The following EAF2 variants were observed in gnomAD, a reference collection of about 807,000 sequenced individuals.
EAF2 encodes ELL-associated factor 2.
A neutral mutation model predicts 29.4 loss-of-function variants in EAF2; 29 were observed. That is an observed-to-expected ratio of 0.99 (90% CI 0.73 to 1.35). The LOEUF is 1.35. Ranked by LOEUF, EAF2 falls within the 40% of genes most tolerant of loss-of-function variation. The probability of loss-of-function intolerance (pLI) is 0.00; values close to 1 mark genes in which losing one functional copy is unlikely to be tolerated. For missense variants in EAF2, 292 were observed against 312.0 expected (o/e 0.94, Z 0.48); for synonymous variants, 103 against 102.5 (o/e 1.00, Z -0.03).
At chr3:121,849,523 C>G (rs958986316) in intron 2 of EAF2, among the ~76,000 whole-genome samples, 7 of 152,132 alleles carry the variant, frequency 4.6e-5, no homozygotes, top group African/African-American at 1.7e-4. Context: ...GACTCTTTAT[C>G]TTATGGGGTG....
intron 5 of EAF2, among the ~76,000 whole-genome samples, chr3:121,873,815 C>G (rs1237231939): frequency 7.2e-6 from 1 of 139,694 alleles, no homozygotes; most frequent in Non-Finnish European, 1.6e-5. Flanking sequence ...AATTTTTTCT[C>G]CTTTAGATTA....
At chr3:121,883,129 T>C (rs1709218802) in intron 5 of EAF2, among the ~76,000 whole-genome samples, 2 of 152,156 alleles carry the variant, frequency 1.3e-5, no homozygotes, top group Non-Finnish European at 1.5e-5. Context: ...TAACCATGTT[T>C]TTGCAGTTAC....
chr3:121,858,131 C>T (rs57473053), intron 4 of EAF2, among the ~76,000 whole-genome samples: 23,261 of 151,858 alleles, frequency 0.15, 2,019 homozygotes, highest in African/African-American at 0.25. Flanking sequence ...AATAAACATA[C>T]GTGTGCATGT....
At chr3:121,842,133 G>A (rs930305283) in intron 1 of EAF2, among the ~76,000 whole-genome samples, 2 of 152,122 alleles carry the variant, frequency 1.3e-5, no homozygotes, top group Non-Finnish European at 2.9e-5. Context: ...GCAGTGAGCC[G>A]AGATCTAGCC....
chr3:121,885,980 T>TA lies in EAF2; in HGVS notation c.737-352dup, dbSNP rs199731989. 1.1e-3 allele frequency among the ~76,000 whole-genome samples: 161 copies of TA among 149,584 alleles called. 1 individual carries two copies. Among genetic ancestry groups the TA allele is most frequent in the Middle Eastern group, 6.8e-3 (2 of 294 alleles). On this transcript the variant is annotated intron_variant, in intron 5 of 5. Transcript: ENST00000273668. ...TTAATGATTTTGACTCCATTTTAAG[T>TA]AAAAAAAAAATAACATTTTTTTCAC...
At chr3:121,839,590 G>A (rs947101638) in intron 1 of EAF2, among the ~76,000 whole-genome samples, 3 of 152,084 alleles carry the variant, frequency 2.0e-5, no homozygotes, top group South Asian at 4.1e-4. Flanking sequence ...GAAGTATACC[G>A]GTGAAAAGTA....
chr3:121,866,470 A>T lies in EAF2; in HGVS notation c.485-6067A>T, dbSNP rs542980995. Among the ~76,000 whole-genome samples the T allele has an allele frequency of 4.6e-5, 7 of 152,312 alleles. No homozygotes were observed. The South Asian group carries it at 1.5e-3, about 32-fold the overall frequency. The stretch of plus-strand genomic sequence containing the variant: ...GCTGGGTGCGGTGGCTCACATCTGT[A>T]ATCCCAGCACTTTGGGAGGCCAAGG... On this transcript the variant is annotated intron_variant, in intron 4 of 5. Coordinates refer to ENST00000273668, the MANE Select transcript of EAF2 (RefSeq NM_018456.6).
chr3:121,850,607 A>G lies in EAF2; in HGVS notation c.202-4080A>G, dbSNP rs372214370. On this transcript the variant is annotated intron_variant, in intron 2 of 5. Coordinates refer to ENST00000273668, the MANE Select transcript of EAF2 (RefSeq NM_018456.6). ...CAGCCAAGCACCTAAGTTTTTGCCA[A>G]GATATTGTGTTACATTATAGAATAT... is the stretch of plus-strand genomic sequence containing the variant. Among the ~76,000 whole-genome samples, 105 of 152,176 alleles carry G rather than the reference A, an allele frequency of 6.9e-4. 2 individuals are homozygous for G. The South Asian group carries it at 0.021, about 31-fold the overall frequency.
At chr3:121,860,398 G>A (rs1451333629) in intron 4 of EAF2, among the ~76,000 whole-genome samples, 1 of 152,104 alleles carries the variant, frequency 6.6e-6, no homozygotes, top group Non-Finnish European at 1.5e-5. Flanking sequence ...TTATTCTTGG[G>A]AGGGTGTATG....
chr3:121,871,625 A>G (rs369440799), intron 4 of EAF2, among the ~76,000 whole-genome samples: 8 of 152,178 alleles, frequency 5.3e-5, no homozygotes, highest in African/African-American at 1.9e-4. Flanking sequence ...CAGTGTGTCT[A>G]TAATAGGGAG....
At position 121,886,477 on chromosome 3, in the gene EAF2, T is replaced by G; in HGVS notation, c.*89T>G. On this transcript the variant is annotated 3_prime_UTR_variant, in exon 6 of 6. Coordinates refer to ENST00000273668, the MANE Select transcript of EAF2 (RefSeq NM_018456.6). ...AAAATTCCTAAGACTGAGGGAAATA[T>G]GTCTTAACTTTTGATGATAAAAGAA... 1 of 680,536 alleles carries G rather than the reference T, an allele frequency of 1.5e-6. No homozygotes were observed. The allele number at this position is 680,536 out of a possible 1,614,324, so 42.2% of individuals were successfully genotyped here.
intron 2 of EAF2, among the ~76,000 whole-genome samples, chr3:121,850,623 T>C (rs1286290791): frequency 2.0e-5 from 3 of 152,224 alleles, no homozygotes; most frequent in African/African-American, 7.2e-5. Flanking sequence ...TGTGTTACAT[T>C]ATAGAATATC....
intron 4 of EAF2, among the ~76,000 whole-genome samples, chr3:121,861,855 A>G (rs373742779): frequency 6.6e-6 from 1 of 152,080 alleles, no homozygotes; most frequent in Non-Finnish European, 1.5e-5. Context: ...AGCTCTTGTA[A>G]GGCAGGCCTG....
chr3:121,855,544 C>G (rs968374477), intron 3 of EAF2, among the ~76,000 whole-genome samples: 2 of 152,096 alleles, frequency 1.3e-5, no homozygotes, highest in African/African-American at 4.8e-5. Flanking sequence ...TCCTGGGAAA[C>G]TCTATTTTTT....
intron 4 of EAF2, among the ~76,000 whole-genome samples, chr3:121,865,767 C>T (rs1433298009): frequency 1.3e-5 from 2 of 152,076 alleles, no homozygotes; most frequent in Non-Finnish European, 2.9e-5. Context: ...AGGATGATAC[C>T]ACAGTGAGTG....
intron 4 of EAF2, 150 bp from the exon 5 acceptor site, chr3:121,872,387 T>C: frequency 1.7e-6 from 1 of 595,108 alleles, no homozygotes; most frequent in Non-Finnish European, 2.8e-6. Context: ...GGTAGAAGAG[T>C]TTTGTTTTTT....
At chr3:121,849,330 T>A (rs186471537) in intron 2 of EAF2, among the ~76,000 whole-genome samples, 1,823 of 152,226 alleles carry the variant, frequency 0.012, 13 homozygotes, top group Non-Finnish European at 0.02. Flanking sequence ...TAGAAAAAAA[T>A]TAATAAAAAC....
chr3:121,869,819 G>T (rs1433840329), intron 4 of EAF2, among the ~76,000 whole-genome samples: 1 of 152,078 alleles, frequency 6.6e-6, no homozygotes, highest in Non-Finnish European at 1.5e-5. Context: ...AGCCCAAGAG[G>T]TTGAGGCTGC....
At chr3:121,875,532 A>G (rs1709081029) in intron 5 of EAF2, among the ~76,000 whole-genome samples, 1 of 152,050 alleles carries the variant, frequency 6.6e-6, no homozygotes, top group Admixed American at 6.6e-5. Flanking sequence ...TTTCCACTCA[A>G]AATGAGCAAA....
Sources: gnomAD v4.1 joint callset for allele counts (sites outside exome capture counted in the v4.1 genomes callset) on GRCh38, gnomAD v4.1.1 for gene constraint, MANE v1.5 for transcripts, NCBI Gene and HGNC (gene_info 2026-07-23, HGNC 2026-07-21) for gene names.